The following PIK3CB variants were observed in gnomAD, a reference collection of about 807,000 sequenced individuals.
PIK3CB encodes the protein phosphatidylinositol-4,5-bisphosphate 3-kinase catalytic subunit beta, also known as phosphatidylinositol 4,5-bisphosphate 3-kinase catalytic subunit beta isoform.
A neutral mutation model predicts 136.8 loss-of-function variants in PIK3CB; 39 were observed. The observed-to-expected ratio is 0.29, with a 90% confidence interval of 0.22 to 0.37. PIK3CB has a LOEUF of 0.37. Ranked by LOEUF, PIK3CB falls within the 10% of genes least tolerant of loss-of-function variation. The pLI is 1.00. For missense variants in PIK3CB, 868 were observed against 1,275.4 expected (o/e 0.68, Z 4.87); for synonymous variants, 428 against 436.6 (o/e 0.98, Z 0.25).
At chr3:138,682,367 T>C (rs2043799653) in intron 18 of PIK3CB, among the ~76,000 whole-genome samples, 1 of 152,176 alleles carries the variant, frequency 6.6e-6, no homozygotes, top group South Asian at 2.1e-4. Context: ...GCCCTACTAC[T>C]CCCATAAGGC....
At chr3:138,753,415 G>T (rs975419734) in intron 4 of PIK3CB, among the ~76,000 whole-genome samples, 2 of 152,258 alleles carry the variant, frequency 1.3e-5, no homozygotes, top group African/African-American at 2.4e-5. Flanking sequence ...CAGCTACTCA[G>T]AAGGCTGAGG....
At chr3:138,739,373 T>C (rs2045187490) in intron 5 of PIK3CB, among the ~76,000 whole-genome samples, 1 of 150,670 alleles carries the variant, frequency 6.6e-6, no homozygotes, top group Admixed American at 6.6e-5. Context: ...AACCAGGGAG[T>C]CGGAGGTTGT....
At chr3:138,702,723 A>G (rs554462993) in intron 12 of PIK3CB, among the ~76,000 whole-genome samples, 242 of 152,344 alleles carry the variant, frequency 1.6e-3, no homozygotes, top group Non-Finnish European at 2.8e-3. Flanking sequence ...CTGCTCTTGC[A>G]GTTGTCTCTT....
chr3:138,707,098 C>A, intron 11 of PIK3CB, 61 bp downstream of exon 11: 2 of 1,019,726 alleles, frequency 2.0e-6, no homozygotes, highest in Non-Finnish European at 1.6e-6. Flanking sequence ...TTAAACTATA[C>A]ATAGAGGAAC....
intron 19 of PIK3CB, among the ~76,000 whole-genome samples, chr3:138,670,029 C>G (rs76553246): frequency 1.3e-5 from 2 of 152,312 alleles, no homozygotes; most frequent in East Asian, 3.9e-4. Flanking sequence ...AAAAAGTCAG[C>G]AAAGATCTCA....
intron 2 of PIK3CB, among the ~76,000 whole-genome samples, chr3:138,785,346 C>T (rs1017777587): frequency 2.0e-5 from 3 of 152,096 alleles, no homozygotes; most frequent in Non-Finnish European, 2.9e-5. Flanking sequence ...GAGAACGGGC[C>T]ATGATGACGA....
intron 1 of PIK3CB, among the ~76,000 whole-genome samples, chr3:138,811,579 C>A (rs975685801): frequency 6.6e-6 from 1 of 151,910 alleles, no homozygotes. Context: ...GCGCCCGCGA[C>A]CACACCTGGC....
chr3:138,682,454 C>G (rs1406764478), intron 18 of PIK3CB, among the ~76,000 whole-genome samples: 3 of 152,154 alleles, frequency 2.0e-5, no homozygotes, highest in Non-Finnish European at 4.4e-5. Flanking sequence ...GAGAGGATAA[C>G]ACATGGGTTC....
chr3:138,665,740 T>A (rs961542546), intron 19 of PIK3CB, among the ~76,000 whole-genome samples: 2 of 151,390 alleles, frequency 1.3e-5, no homozygotes, highest in African/African-American at 2.5e-5. Flanking sequence ...GGCTAATTTT[T>A]AAAAACTTTT....
Position 138,728,543 on chromosome 3 carries a change from C to T in PIK3CB, c.1050+4818G>A, listed in dbSNP as rs535753639. 2.3e-3 allele frequency among the ~76,000 whole-genome samples: 352 copies of T among 151,986 alleles called. 1 individual carries two copies. Among genetic ancestry groups the T allele is most frequent in the African/African-American group, 7.9e-3 (329 of 41,442 alleles). On this transcript the variant is annotated intron_variant, in intron 8 of 23. Coordinates refer to ENST00000674063, the MANE Select transcript of PIK3CB (RefSeq NM_006219.3). ...CTGTAATCACAGCACTTTGGGAGGC[C>T]GAGGCGGGTGGATCATGAGGTCAGG... is the stretch of plus-strand genomic sequence containing the variant.
chr3:138,726,564 G>A (rs1303746327), intron 8 of PIK3CB, among the ~76,000 whole-genome samples: 1 of 152,076 alleles, frequency 6.6e-6, no homozygotes, highest in Non-Finnish European at 1.5e-5. Flanking sequence ...CAATGCAGAA[G>A]AGAAAAAAGA....
intron 14 of PIK3CB, among the ~76,000 whole-genome samples, chr3:138,693,937 A>ATATATATATATATATATATATATATATAT (rs752169030): frequency 3.6e-5 from 1 of 27,902 alleles, no homozygotes; most frequent in African/African-American, 1.3e-4. Context: ...TTTGCTTAAA[A>ATATATATATATATATATATATATATATAT]TATATATATA....
Position 138,747,208 on chromosome 3 carries a change from C to T in PIK3CB, c.398-4427G>A, listed in dbSNP as rs185776211. 4.0e-5 allele frequency among the ~76,000 whole-genome samples: 6 copies of T among 149,170 alleles called. No homozygotes were observed. In the East Asian group the frequency reaches 1.2e-3, roughly 30 times the overall value. On this transcript the variant is annotated intron_variant, in intron 4 of 23. Transcript: ENST00000674063. The stretch of plus-strand genomic sequence containing the variant: ...AGCCTGTGCACCCAGCTGCATTCAA[C>T]TTTTTTCTTATAATATCATGACTTT...
chr3:138,662,189 C>T (rs928892254), intron 21 of PIK3CB, among the ~76,000 whole-genome samples: 3 of 149,842 alleles, frequency 2.0e-5, no homozygotes, highest in Admixed American at 6.7e-5. Flanking sequence ...TATACATGTG[C>T]CATGCTGGTG....
chr3:138,712,012 G>T (rs895218526), intron 10 of PIK3CB, among the ~76,000 whole-genome samples, 196 bp downstream of exon 10: 13 of 151,466 alleles, frequency 8.6e-5, no homozygotes, highest in Non-Finnish European at 1.3e-4. Context: ...AACAAAATTT[G>T]TAAAGAAATC....
intron 6 of PIK3CB, 39 bp from the exon 7 acceptor site, chr3:138,734,843 C>A: frequency 7.1e-7 from 1 of 1,407,052 alleles, no homozygotes; most frequent in Non-Finnish European, 9.8e-7. Flanking sequence ...GATTTTCATG[C>A]CAACACCTAA....
chr3:138,809,372 G>C (rs191220079), intron 1 of PIK3CB, among the ~76,000 whole-genome samples: 7 of 151,864 alleles, frequency 4.6e-5, no homozygotes, highest in Non-Finnish European at 7.4e-5. Context: ...TTGGGAGGCC[G>C]AGGCGGGCGG....
intron 15 of PIK3CB, among the ~76,000 whole-genome samples, chr3:138,690,358 G>GA (rs990435290): frequency 2.0e-5 from 3 of 151,218 alleles, no homozygotes; most frequent in Admixed American, 6.6e-5. Flanking sequence ...GATTGGGAGG[G>GA]AAAAAAAATG....
chr3:138,690,612 T>C (rs1456948238), intron 15 of PIK3CB, among the ~76,000 whole-genome samples: 3 of 150,814 alleles, frequency 2.0e-5, no homozygotes, highest in Admixed American at 6.6e-5. Context: ...CTAGATGAAA[T>C]AAATAGGTCT....
Sources: allele counts gnomAD v4.1 joint callset (sites outside exome capture counted in the v4.1 genomes callset), GRCh38; gene constraint gnomAD v4.1.1; transcripts MANE v1.5; gene names NCBI Gene and HGNC (gene_info 2026-07-23, HGNC 2026-07-21).